KIDINS220: variants seen among roughly 807,000 people sequenced by gnomAD.
The protein encoded by KIDINS220 is kinase D-interacting substrate of 220 kDa.
A neutral mutation model predicts 157.6 loss-of-function variants in KIDINS220; 63 were observed. The observed-to-expected ratio is 0.40, with a 90% CI of 0.33 to 0.49. KIDINS220 has a LOEUF of 0.49. Among genes scored for constraint, KIDINS220 ranks in the 20% least tolerant of loss-of-function variants. The probability of loss-of-function intolerance (pLI) is 0.66; values close to 1 mark genes in which losing one functional copy is unlikely to be tolerated. For synonymous variants in KIDINS220, 732 were observed against 783.6 expected (o/e 0.93, Z 1.10); for missense variants, 1,772 against 2,171.2 (o/e 0.82, Z 3.65).
chr2:8,832,880 TTTC>T (rs1172263631), intron 1 of KIDINS220, among the ~76,000 whole-genome samples: 1 of 152,070 alleles, frequency 6.6e-6, no homozygotes, highest in African/African-American at 2.4e-5. Context: ...CCCAGGCTAG[TTTC>T]TTTTTTTTTT....
At chr2:8,765,578 T>C (rs565584780) in intron 22 of KIDINS220, among the ~76,000 whole-genome samples, 104 of 152,382 alleles carry the variant, frequency 6.8e-4, no homozygotes, top group Admixed American at 3.3e-3. Flanking sequence ...TTATAAATTC[T>C]TGCAGATGTT....
chr2:8,737,285 G>A, intron 26 of KIDINS220: 1 of 235,232 alleles, frequency 4.3e-6, no homozygotes, highest in Non-Finnish European at 8.3e-6. Context: ...AATGTTTACT[G>A]CCTAATCTCA....
At chr2:8,779,927 G>A (rs1430617176) in intron 17 of KIDINS220, 113 bp from the exon 18 acceptor site, 3 of 1,082,802 alleles carry the variant, frequency 2.8e-6, no homozygotes, top group Non-Finnish European at 4.0e-6. Context: ...GACATTCAAA[G>A]TCCTTGCTGC....
At chr2:8,735,041 A>C (rs1317066250) in intron 27 of KIDINS220, among the ~76,000 whole-genome samples, 2 of 152,220 alleles carry the variant, frequency 1.3e-5, no homozygotes, top group East Asian at 3.8e-4. Flanking sequence ...GAGCAACAAC[A>C]AAACTGTTAG....
intron 26 of KIDINS220, among the ~76,000 whole-genome samples, chr2:8,743,057 G>A (rs1558324252): frequency 6.6e-6 from 1 of 152,082 alleles, no homozygotes; most frequent in African/African-American, 2.4e-5. Flanking sequence ...CTCAATACTA[G>A]GTCCTTTGCT....
rs1672308306 is a variant in KIDINS220 at position 8,785,733 on chromosome 2, G to C, written c.2229+8C>G. The C allele has an allele frequency of 1.2e-6, 2 of 1,602,276 alleles. No individual in the cohort carries two copies. The highest frequency in any genetic ancestry group is 8.5e-7 in the Non-Finnish European group (1 of 1,175,842). On this transcript the variant is annotated splice_region_variant and intron_variant, in intron 17 of 29. Transcript: ENST00000256707. ...TACAATTTTTTCTAATAACCAATGA[G>C]TGCTTACTTTCATGAATCCTTCACT...
chr2:8,747,224 T>C (rs1440461953), intron 25 of KIDINS220, 23 bp from the exon 26 acceptor site: 5 of 1,612,434 alleles, frequency 3.1e-6, no homozygotes, highest in Non-Finnish European at 1.7e-6. Context: ...AACAGGAGAG[T>C]GTGGGTGAAA....
At chr2:8,726,972 A>G (rs1182455279), downstream of KIDINS220, 3 of 1,257,414 alleles carry the variant, frequency 2.4e-6, no homozygotes, top group Admixed American at 6.9e-5. Flanking sequence ...AAAATTATGT[A>G]AGATTGTAAA....
At chr2:8,748,080 T>A in intron 24 of KIDINS220, 80 bp from the exon 25 acceptor site, 2 of 757,116 alleles carry the variant, frequency 2.6e-6, no homozygotes, top group Non-Finnish European at 4.0e-6. Flanking sequence ...ATGAAACCAA[T>A]AAGATACAAC....
chr2:8,813,666 G>A (rs1676650093), intron 4 of KIDINS220, among the ~76,000 whole-genome samples: 1 of 152,238 alleles, frequency 6.6e-6, no homozygotes, highest in Non-Finnish European at 1.5e-5. Flanking sequence ...GCTCATGCCT[G>A]TAATCCCAGC....
chr2:8,837,033 T>C (rs1039728013), intron 1 of KIDINS220, among the ~76,000 whole-genome samples: 1 of 151,868 alleles, frequency 6.6e-6, no homozygotes, highest in Non-Finnish European at 1.5e-5. Context: ...GAGCCCACGA[T>C]AAAAGCAAGG....
downstream of KIDINS220, chr2:8,722,057 C>T (rs561970948): frequency 2.2e-4 from 33 of 151,996 alleles, no homozygotes; most frequent in Non-Finnish European, 4.6e-4. Flanking sequence ...TAAATCATCC[C>T]GAGCCCATTA....
intron 22 of KIDINS220, among the ~76,000 whole-genome samples, chr2:8,756,785 G>A (rs899224582): frequency 1.3e-5 from 2 of 152,120 alleles, no homozygotes; most frequent in Non-Finnish European, 1.5e-5. Context: ...ATTACCAAAG[G>A]CACCAACTCT....
At chr2:8,826,951 T>G in intron 2 of KIDINS220, 35 bp downstream of exon 2, 1 of 1,196,268 alleles carries the variant, frequency 8.4e-7, no homozygotes, top group Non-Finnish European at 1.2e-6. Context: ...AACAAATATT[T>G]GTGAAAGAAT....
At chr2:8,726,841 G>A (rs927188678), downstream of KIDINS220, 31 of 991,058 alleles carry the variant, frequency 3.1e-5, no homozygotes, top group Middle Eastern at 7.2e-4. Context: ...ACGTCCTAAC[G>A]TGGCATATGA....
intron 23 of KIDINS220, 107 bp from the exon 24 acceptor site, chr2:8,750,442 A>G: frequency 1.5e-6 from 1 of 681,020 alleles, no homozygotes; most frequent in Non-Finnish European, 2.1e-6. Context: ...TGACTTTATC[A>G]CTCTTGCCAC....
chr2:8,769,267 A>G (rs1372572166), intron 22 of KIDINS220, among the ~76,000 whole-genome samples: 1 of 152,206 alleles, frequency 6.6e-6, no homozygotes, highest in African/African-American at 2.4e-5. Flanking sequence ...ATGTGAGATA[A>G]CTAGTTCTCC....
chr2:8,788,823 C>T lies in KIDINS220; in HGVS notation c.1622-11G>A, dbSNP rs1009802447. 1 of 1,611,070 alleles carries T rather than the reference C, an allele frequency of 6.2e-7. No individual in the cohort carries two copies. The highest frequency in any genetic ancestry group is 1.3e-5 in the African/African-American group (1 of 74,722). On this transcript the variant is annotated splice_polypyrimidine_tract_variant and intron_variant, in intron 14 of 29. Coordinates refer to ENST00000256707, the MANE Select transcript of KIDINS220 (RefSeq NM_020738.4). ...CAAAGTAAATGACAACTGAAATTCA[C>T]AGTTTAAAAAAGTTATCCAAAGCAG... is the stretch of plus-strand genomic sequence containing the variant.
At chr2:8,785,658 G>A in intron 17 of KIDINS220, 83 bp downstream of exon 17, 3 of 1,109,212 alleles carry the variant, frequency 2.7e-6, no homozygotes, top group Non-Finnish European at 3.9e-6. Flanking sequence ...CATTTAGAGA[G>A]TGTACTTCCT....
Sources: gnomAD v4.1 joint callset for allele counts (sites outside exome capture counted in the v4.1 genomes callset) on GRCh38, gnomAD v4.1.1 for gene constraint, MANE v1.5 for transcripts, NCBI Gene and HGNC (gene_info 2026-07-23, HGNC 2026-07-21) for gene names.